Variants in DLGAP1 observed in about 807,000 individuals in gnomAD.
DLGAP1 encodes disks large-associated protein 1.
A neutral mutation model predicts 90.8 loss-of-function variants in DLGAP1; 11 were observed. The ratio of observed to expected loss-of-function variants is 0.12; its 90% CI spans 0.08 to 0.20. The LOEUF (loss-of-function observed/expected upper bound fraction) is 0.20, where lower values mean the gene tolerates loss of function less well. Among genes scored for constraint, DLGAP1 ranks in the 10% least tolerant of loss-of-function variants. The pLI, the probability that DLGAP1 is intolerant of heterozygous loss-of-function variation, is 1.00. For missense variants in DLGAP1, 1,050 were observed against 1,333.8 expected (o/e 0.79, Z 3.31); for synonymous variants, 558 against 540.7 (o/e 1.03, Z -0.44).
At chr18:3,524,115 T>C (rs967204602) in intron 10 of DLGAP1, among the ~76,000 whole-genome samples, 2 of 151,896 alleles carry the variant, frequency 1.3e-5, no homozygotes, top group African/African-American at 4.8e-5. Context: ...CAAATAAGAA[T>C]TTTTAAAAAA....
At chr18:4,120,365 A>G (rs2144101132) in intron 2 of DLGAP1, among the ~76,000 whole-genome samples, 1 of 152,342 alleles carries the variant, frequency 6.6e-6, no homozygotes, top group South Asian at 2.1e-4. Flanking sequence ...ATCAGACAAC[A>G]TGAGTTCTGT....
chr18:3,539,810 T>C (rs1243698008), intron 9 of DLGAP1, among the ~76,000 whole-genome samples: 3 of 152,244 alleles, frequency 2.0e-5, no homozygotes, highest in Non-Finnish European at 4.4e-5. Context: ...ACTCAAGTCA[T>C]GAACTTATTT....
intron 7 of DLGAP1, among the ~76,000 whole-genome samples, chr18:3,720,975 G>C (rs139220132): frequency 6.6e-6 from 1 of 150,608 alleles, no homozygotes; most frequent in Non-Finnish European, 1.5e-5. Flanking sequence ...TGGATTGCTC[G>C]AGCACAGGAT....
At chr18:3,957,755 T>C (rs984034057) in intron 3 of DLGAP1, among the ~76,000 whole-genome samples, 3 of 152,200 alleles carry the variant, frequency 2.0e-5, no homozygotes, top group Non-Finnish European at 4.4e-5. Context: ...TTGATAGAAA[T>C]TGAAGGAATT....
At chr18:4,315,972 A>C (rs2080515533) in intron 1 of DLGAP1, among the ~76,000 whole-genome samples, 1 of 152,230 alleles carries the variant, frequency 6.6e-6, no homozygotes, top group African/African-American at 2.4e-5. Context: ...AATTTATCAA[A>C]AACTGTACCA....
rs140928457 is a variant in DLGAP1 at position 4,401,319 on chromosome 18, T to G, written c.-267+53687A>C. On this transcript the variant is annotated intron_variant, in intron 1 of 12. Coordinates refer to ENST00000315677, the MANE Select transcript of DLGAP1 (RefSeq NM_004746.4). The stretch of plus-strand genomic sequence containing the variant: ...GAAGCTTAAATCTTTTAACCTCATC[T>G]TTGCATTCTTAAAATTACTTTCTTT... Among the ~76,000 whole-genome samples, 429 of 152,358 alleles carry G rather than the reference T, an allele frequency of 2.8e-3. 1 individual carries two copies. Among genetic ancestry groups the G allele is most frequent in the African/African-American group, 9.9e-3 (410 of 41,592 alleles).
chr18:4,221,074 A>T (rs886976332), intron 1 of DLGAP1, among the ~76,000 whole-genome samples: 1 of 152,092 alleles, frequency 6.6e-6, no homozygotes, highest in Non-Finnish European at 1.5e-5. Context: ...TCTACCATCT[A>T]GGTTTTTGTT....
chr18:3,901,240 C>T (rs2071775865), intron 3 of DLGAP1, among the ~76,000 whole-genome samples: 1 of 152,118 alleles, frequency 6.6e-6, no homozygotes, highest in South Asian at 2.1e-4. Context: ...AGCTCCTACT[C>T]ATCCTTCAAA....
At chr18:3,942,454 G>A (rs562085835) in intron 3 of DLGAP1, among the ~76,000 whole-genome samples, 10 of 152,192 alleles carry the variant, frequency 6.6e-5, no homozygotes, top group East Asian at 1.9e-4. Context: ...CGTTTTCCAG[G>A]TCCTGGTGAC....
At chr18:4,179,063 G>A (rs928208113) in intron 1 of DLGAP1, among the ~76,000 whole-genome samples, 77 of 152,156 alleles carry the variant, frequency 5.1e-4, no homozygotes, top group Non-Finnish European at 1.0e-4. Flanking sequence ...TACATGTTGA[G>A]AGCAATTTGT....
At chr18:4,001,862 G>T (rs1249045421) in intron 3 of DLGAP1, among the ~76,000 whole-genome samples, 1 of 152,172 alleles carries the variant, frequency 6.6e-6, no homozygotes, top group African/African-American at 2.4e-5. Flanking sequence ...AGGGGTTTCA[G>T]TTGCCCTTCC....
At chr18:4,181,104 G>A (rs575698856) in intron 1 of DLGAP1, among the ~76,000 whole-genome samples, 3 of 152,248 alleles carry the variant, frequency 2.0e-5, no homozygotes, top group South Asian at 2.1e-4. Flanking sequence ...GGTGATTTAC[G>A]TCTAGGATTT....
chr18:3,527,769 T>A (rs1324575264), intron 10 of DLGAP1, among the ~76,000 whole-genome samples: 2 of 151,926 alleles, frequency 1.3e-5, no homozygotes, highest in East Asian at 3.9e-4. Context: ...TAAAAAAATA[T>A]ATATTTTTGT....
In DLGAP1 at chr18:4,383,225, G is replaced by A. The variant is rs183970029; in HGVS notation, c.-267+71781C>T. Among the ~76,000 whole-genome samples, 579 of 152,182 alleles carry A rather than the reference G, an allele frequency of 3.8e-3. 3 individuals are homozygous for A. Among genetic ancestry groups the A allele is most frequent in the African/African-American group, 0.013 (557 of 41,536 alleles). Reference sequence around the variant, plus strand: ...ATTAAAACATTACCTGGGGAATAATGTTCTAATATTCATCTAACTGAAAGG... The same window carrying A: ...ATTAAAACATTACCTGGGGAATAATATTCTAATATTCATCTAACTGAAAGG... On this transcript the variant is annotated intron_variant, in intron 1 of 12. Coordinates refer to ENST00000315677, the MANE Select transcript of DLGAP1 (RefSeq NM_004746.4). The surrounding 1 kb of genome is among the most constrained non-coding windows in gnomAD (Gnocchi z 4.0).
chr18:3,619,449 C>G (rs762050669), intron 7 of DLGAP1, among the ~76,000 whole-genome samples: 46 of 152,122 alleles, frequency 3.0e-4, no homozygotes, highest in Admixed American at 1.1e-3. Context: ...TCTCTTGACT[C>G]AAAAGGGAAG....
chr18:3,595,378 T>C (rs1381414831), intron 7 of DLGAP1, among the ~76,000 whole-genome samples: 1 of 152,192 alleles, frequency 6.6e-6, no homozygotes, highest in East Asian at 1.9e-4. Context: ...TGGACTTCTA[T>C]TGAAGTTTGG....
At chr18:3,547,659 A>ACATT (rs2144734136) in intron 9 of DLGAP1, among the ~76,000 whole-genome samples, 1 of 152,276 alleles carries the variant, frequency 6.6e-6, no homozygotes, top group African/African-American at 2.4e-5. Context: ...GAACCCTCAT[A>ACATT]CATTGTTGGT....
chr18:4,227,724 TA>T (rs1353677079), intron 1 of DLGAP1, among the ~76,000 whole-genome samples: 2 of 150,998 alleles, frequency 1.3e-5, no homozygotes, highest in Admixed American at 6.6e-5. Flanking sequence ...TTTGTAACTA[TA>T]AGCGCCTCCA....
At chr18:3,920,203 C>T (rs1198044620) in intron 3 of DLGAP1, among the ~76,000 whole-genome samples, 1 of 151,864 alleles carries the variant, frequency 6.6e-6, no homozygotes, top group African/African-American at 2.4e-5. Context: ...ATTAGCCAGG[C>T]GTGGTGGTGC....
Sources: allele counts gnomAD v4.1 joint callset (sites outside exome capture counted in the v4.1 genomes callset), GRCh38; gene constraint gnomAD v4.1.1; non-coding constraint Gnocchi (gnomAD v3.1); transcripts MANE v1.5; gene names NCBI Gene and HGNC (gene_info 2026-07-23, HGNC 2026-07-21).